Variants in ZFYVE9 observed in about 807,000 individuals in gnomAD.
ZFYVE9 encodes the protein zinc finger FYVE-type containing 9, also known as zinc finger FYVE domain-containing protein 9.
In ZFYVE9, 43 loss-of-function variants were observed where a neutral mutation model predicts 126.7. The observed-to-expected ratio is 0.34, with a 90% CI of 0.27 to 0.44. The LOEUF is 0.44. ZFYVE9 is among the 20% of genes least tolerant of loss of function. ZFYVE9 has a pLI of 1.00. For missense variants in ZFYVE9, 1,476 were observed against 1,697.0 expected, an observed-to-expected ratio of 0.87 and a Z score of 2.29; for synonymous variants, 521 against 597.4, an observed-to-expected ratio of 0.87 and a Z score of 1.87.
At chr1:52,223,951 G>A (rs1207320476) in intron 2 of ZFYVE9, among the ~76,000 whole-genome samples, 3 of 152,168 alleles carry the variant, frequency 2.0e-5, no homozygotes, top group Non-Finnish European at 4.4e-5. Context: ...CAGCCCAAGT[G>A]TACAGTTGTG....
In ZFYVE9 at chr1:52,337,638, C is replaced by G. The variant is rs971378546; in HGVS notation, c.3671-134C>G. The G allele has an allele frequency of 1.9e-5, 18 of 958,484 alleles. No individual in the cohort carries two copies. The African/African-American group carries it at 3.0e-4, about 16-fold the overall frequency. 59.4% of individuals were successfully genotyped at this position (958,484 alleles called of 1,614,324 possible). ...ACAACACTTTCAGTAAGAGGTTCAG[C>G]TCAAAGAGCAAAACCTCTGTATCAG... is the stretch of plus-strand genomic sequence containing the variant. On this transcript the variant is annotated intron_variant, in intron 15 of 18. Transcript: ENST00000287727.
chr1:52,297,392 C>T (rs1645987749), intron 12 of ZFYVE9, among the ~76,000 whole-genome samples: 1 of 152,026 alleles, frequency 6.6e-6, no homozygotes, highest in Non-Finnish European at 1.5e-5. Context: ...CACCTGCCAC[C>T]ACGCCTGGCT....
At chr1:52,339,588 G>A (rs1646417274) in intron 16 of ZFYVE9, among the ~76,000 whole-genome samples, 1 of 152,180 alleles carries the variant, frequency 6.6e-6, no homozygotes, top group Non-Finnish European at 1.5e-5. Flanking sequence ...ACCATGCCCA[G>A]CAAATGATTC....
Position 52,162,795 on chromosome 1 carries a change from T to C in ZFYVE9, c.-143+20392T>C, listed in dbSNP as rs913167043. The C allele has an allele frequency of 1.2e-5, 4 of 340,308 alleles. No individual in the cohort carries two copies. The South Asian group carries it at 1.4e-4, about 12-fold the overall frequency. 21.1% of individuals were successfully genotyped at this position (340,308 alleles called of 1,614,324 possible). ...GCTACTTCGTCTCCTGTGAGAGTGGTATCTGGATCAAGAGTGGGATCTGGA... is the reference window on the plus strand; with the variant it reads ...GCTACTTCGTCTCCTGTGAGAGTGGCATCTGGATCAAGAGTGGGATCTGGA... On this transcript the variant is annotated intron_variant, in intron 1 of 18. Transcript: ENST00000287727.
chr1:52,200,189 A>T (rs1644910675), intron 1 of ZFYVE9, among the ~76,000 whole-genome samples: 1 of 150,488 alleles, frequency 6.6e-6, no homozygotes. Flanking sequence ...TTTATTTTTT[A>T]TTTTTTTTAG....
chr1:52,327,830 C>T (rs898524137), intron 13 of ZFYVE9, among the ~76,000 whole-genome samples: 1 of 150,914 alleles, frequency 6.6e-6, no homozygotes, highest in African/African-American at 2.4e-5. Flanking sequence ...AAAGAATTAG[C>T]CCGGGTGGTG....
chr1:52,280,371 C>T (rs1220448003), intron 9 of ZFYVE9, among the ~76,000 whole-genome samples: 3 of 149,076 alleles, frequency 2.0e-5, no homozygotes, highest in Non-Finnish European at 4.4e-5. Context: ...CAGAGTGAGA[C>T]CCTGTTTAAA....
At chr1:52,155,424 C>T (rs981819586) in intron 1 of ZFYVE9, among the ~76,000 whole-genome samples, 3 of 151,808 alleles carry the variant, frequency 2.0e-5, no homozygotes, top group East Asian at 1.9e-4. Flanking sequence ...TTAGTAGAGA[C>T]GGGGTTTCAC....
At chr1:52,242,913 C>T (rs1385938910) in intron 4 of ZFYVE9, among the ~76,000 whole-genome samples, 3 of 152,086 alleles carry the variant, frequency 2.0e-5, no homozygotes, top group Admixed American at 6.6e-5. Flanking sequence ...AAATATTTTC[C>T]ATTACACACC....
chr1:52,305,175 T>G (rs1646070668), intron 13 of ZFYVE9, among the ~76,000 whole-genome samples: 1 of 152,216 alleles, frequency 6.6e-6, no homozygotes, highest in African/African-American at 2.4e-5. Flanking sequence ...GCGCGATGGC[T>G]CACACTTGTA....
chr1:52,246,941 C>T (rs2124641040), intron 4 of ZFYVE9, among the ~76,000 whole-genome samples: 1 of 152,232 alleles, frequency 6.6e-6, no homozygotes, highest in South Asian at 2.1e-4. Flanking sequence ...CTCCTGACCT[C>T]AGGTGATCCA....
At chr1:52,208,924 C>A (rs1034005521) in intron 1 of ZFYVE9, among the ~76,000 whole-genome samples, 47 of 152,106 alleles carry the variant, frequency 3.1e-4, no homozygotes, top group African/African-American at 1.1e-3. Context: ...CTCTTGGGAT[C>A]CTTTGTATGG....
chr1:52,219,900 C>G (rs1224312699), intron 2 of ZFYVE9, among the ~76,000 whole-genome samples: 1 of 151,794 alleles, frequency 6.6e-6, no homozygotes, highest in Non-Finnish European at 1.5e-5. Flanking sequence ...GCCTTGGCCT[C>G]CTGAGTAGCT....
intron 1 of ZFYVE9, chr1:52,179,854 C>T: frequency 1.5e-6 from 1 of 687,646 alleles, no homozygotes; most frequent in Non-Finnish European, 2.7e-6. Flanking sequence ...AGATGCAGGA[C>T]CCCAACGCAG....
intron 16 of ZFYVE9, 84 bp from the exon 17 acceptor site, chr1:52,340,042 A>G: frequency 9.3e-7 from 1 of 1,074,306 alleles, no homozygotes. Flanking sequence ...ATTAGCAGGA[A>G]GACTTCTGCA....
At chr1:52,330,377 A>G (rs1291314234) in intron 13 of ZFYVE9, among the ~76,000 whole-genome samples, 1 of 152,168 alleles carries the variant, frequency 6.6e-6, no homozygotes, top group East Asian at 1.9e-4. Flanking sequence ...ACTCCATCTC[A>G]AAAAAAGAAT....
chr1:52,191,722 A>G (rs1259019083), intron 1 of ZFYVE9, among the ~76,000 whole-genome samples: 2 of 152,200 alleles, frequency 1.3e-5, no homozygotes, highest in Non-Finnish European at 2.9e-5. Flanking sequence ...ACAATCCTGC[A>G]CTTTTTCCAT....
At chr1:52,168,702 G>A (rs1272695286) in intron 1 of ZFYVE9, among the ~76,000 whole-genome samples, 1 of 151,842 alleles carries the variant, frequency 6.6e-6, no homozygotes, top group Non-Finnish European at 1.5e-5. Flanking sequence ...ATTTTGTAGA[G>A]ACAAGGTCTT....
At chr1:52,248,521 A>G (rs1052639344) in intron 4 of ZFYVE9, among the ~76,000 whole-genome samples, 5 of 152,168 alleles carry the variant, frequency 3.3e-5, no homozygotes, top group Admixed American at 6.5e-5. Flanking sequence ...ACCCAGAAAC[A>G]ATACCAGCCA....
Sources: allele counts gnomAD v4.1 joint callset (sites outside exome capture counted in the v4.1 genomes callset), GRCh38; gene constraint gnomAD v4.1.1; transcripts MANE v1.5; gene names NCBI Gene and HGNC (gene_info 2026-07-23, HGNC 2026-07-21).